The following RYR3 variants were observed in gnomAD, a reference collection of about 807,000 sequenced individuals.
RYR3 encodes ryanodine receptor 3.
A neutral mutation model predicts 584.3 loss-of-function variants in RYR3; 207 were observed. The ratio of observed to expected loss-of-function variants is 0.35; its 90% confidence interval spans 0.32 to 0.40. RYR3 has a LOEUF of 0.40. Among genes scored for constraint, RYR3 ranks in the 10% least tolerant of loss-of-function variants. The pLI is 1.00. For synonymous variants in RYR3, 2,416 were observed against 2,248.5 expected (o/e 1.07, Z -2.11); for missense variants, 5,616 against 6,089.2 (o/e 0.92, Z 2.59).
chr15:33,766,246 A>G (rs1314809764), intron 60 of RYR3, among the ~76,000 whole-genome samples: 1 of 151,392 alleles, frequency 6.6e-6, no homozygotes, highest in Non-Finnish European at 1.5e-5. Context: ...TGGCACCACT[A>G]TACTCCAGCC....
chr15:33,546,788 A>G (rs1283923301), intron 8 of RYR3, among the ~76,000 whole-genome samples: 1 of 152,088 alleles, frequency 6.6e-6, no homozygotes, highest in Admixed American at 6.6e-5. Flanking sequence ...TCGACTCATA[A>G]TTATACTACT....
At chr15:33,408,030 T>C (rs527455570) in intron 1 of RYR3, among the ~76,000 whole-genome samples, 1 of 152,186 alleles carries the variant, frequency 6.6e-6, no homozygotes, top group Admixed American at 6.5e-5. Context: ...TTTTCCAGTT[T>C]TCATTTTTAG....
intron 42 of RYR3, among the ~76,000 whole-genome samples, chr15:33,701,290 G>C (rs1420894654): frequency 6.6e-6 from 1 of 152,208 alleles, no homozygotes; most frequent in Admixed American, 6.5e-5. Context: ...CAACTTCAGA[G>C]ACATGTGGAC....
intron 16 of RYR3, among the ~76,000 whole-genome samples, chr15:33,600,746 C>T (rs903924070): frequency 2.0e-5 from 3 of 152,090 alleles, no homozygotes; most frequent in African/African-American, 7.2e-5. Flanking sequence ...GATACCACAG[C>T]AAAAGACCGA....
chr15:33,745,554 C>T (rs1331443649), intron 52 of RYR3, among the ~76,000 whole-genome samples: 3 of 152,038 alleles, frequency 2.0e-5, no homozygotes, highest in African/African-American at 7.3e-5. Flanking sequence ...CTGGTGTGTA[C>T]CATAGAAGAC....
intron 43 of RYR3, among the ~76,000 whole-genome samples, chr15:33,713,011 C>A (rs941864331): frequency 6.6e-5 from 10 of 152,138 alleles, no homozygotes; most frequent in Non-Finnish European, 1.2e-4. Flanking sequence ...AGTGGTAGGG[C>A]ATTTGAAATG....
At chr15:33,605,496 C>T (rs984616614) in intron 18 of RYR3, among the ~76,000 whole-genome samples, 1 of 152,186 alleles carries the variant, frequency 6.6e-6, no homozygotes, top group Non-Finnish European at 1.5e-5. Flanking sequence ...CTGATTGTGG[C>T]TCTCTGAAAT....
At chr15:33,359,643 G>C (rs986921053) in intron 1 of RYR3, among the ~76,000 whole-genome samples, 1 of 148,594 alleles carries the variant, frequency 6.7e-6, no homozygotes, top group African/African-American at 2.5e-5. Context: ...TTTTCAGACG[G>C]AGTCGCACTC....
At chr15:33,619,432 A>G (rs1037044706) in intron 19 of RYR3, among the ~76,000 whole-genome samples, 2 of 152,186 alleles carry the variant, frequency 1.3e-5, no homozygotes, top group African/African-American at 4.8e-5. Context: ...CCAACTGGAC[A>G]TTTCTCATTT....
intron 67 of RYR3, among the ~76,000 whole-genome samples, chr15:33,800,119 A>G (rs1406254046): frequency 6.6e-6 from 1 of 152,150 alleles, no homozygotes; most frequent in Non-Finnish European, 1.5e-5. Flanking sequence ...TAACCAGTCT[A>G]TTTTTTTGTT....
intron 1 of RYR3, among the ~76,000 whole-genome samples, chr15:33,442,997 A>C (rs1596159962): frequency 6.6e-6 from 1 of 152,166 alleles, no homozygotes; most frequent in African/African-American, 2.4e-5. Flanking sequence ...AGTGGCTCAC[A>C]CCTGTAATCC....
chr15:33,859,259 G>A (rs1168872193), intron 99 of RYR3, among the ~76,000 whole-genome samples: 1 of 152,192 alleles, frequency 6.6e-6, no homozygotes, highest in African/African-American at 2.4e-5. Flanking sequence ...AATTAAATGA[G>A]GAAAAATTAT....
intron 53 of RYR3, among the ~76,000 whole-genome samples, 186 bp from the exon 54 acceptor site, chr15:33,747,928 A>G (rs1244224381): frequency 6.6e-6 from 1 of 152,190 alleles, no homozygotes; most frequent in East Asian, 1.9e-4. Context: ...AGGGTCTTAT[A>G]TCTAAAAACA....
At chr15:33,628,071 C>T (rs551024312) in intron 20 of RYR3, among the ~76,000 whole-genome samples, 2 of 152,248 alleles carry the variant, frequency 1.3e-5, no homozygotes, top group Non-Finnish European at 2.9e-5. Context: ...ATTGAGCTCA[C>T]TTTAATGGAA....
At chr15:33,687,648 A>G (rs563594127) in intron 38 of RYR3, among the ~76,000 whole-genome samples, 1 of 152,166 alleles carries the variant, frequency 6.6e-6, no homozygotes, top group Non-Finnish European at 1.5e-5. Flanking sequence ...GCATCACACT[A>G]CTGATTTCAA....
chr15:33,520,742 GC>G (rs56205575), intron 3 of RYR3, among the ~76,000 whole-genome samples: 27,155 of 151,732 alleles, frequency 0.18, 2,618 homozygotes, highest in African/African-American at 0.2. Flanking sequence ...TGCCATTTTG[GC>G]TCACTGTTCT....
chr15:33,788,548 A>G, intron 67 of RYR3, 90 bp downstream of exon 67: 1 of 1,474,586 alleles, frequency 6.8e-7, no homozygotes, highest in South Asian at 1.3e-5. Flanking sequence ...TTGGGTTGTT[A>G]ACAGTGAGAT....
chr15:33,857,106 C>G (rs889864820), intron 98 of RYR3, among the ~76,000 whole-genome samples: 5 of 152,202 alleles, frequency 3.3e-5, no homozygotes, highest in African/African-American at 1.2e-4. Flanking sequence ...TTATATTTTA[C>G]TTACGCCCAA....
chr15:33,530,021 A>C (rs1034505467), intron 3 of RYR3, among the ~76,000 whole-genome samples: 1 of 152,116 alleles, frequency 6.6e-6, no homozygotes, highest in Non-Finnish European at 1.5e-5. Flanking sequence ...ATGGTCTCTC[A>C]ACTGAAGGAT....
Sources: gnomAD v4.1 joint callset for allele counts (sites outside exome capture counted in the v4.1 genomes callset) on GRCh38, gnomAD v4.1.1 for gene constraint, MANE v1.5 for transcripts, NCBI Gene and HGNC (gene_info 2026-07-23, HGNC 2026-07-21) for gene names.